SORT1: variants seen among roughly 807,000 people sequenced by gnomAD.
SORT1 encodes the protein sortilin 1.
In SORT1, 39 loss-of-function variants were observed where a neutral mutation model predicts 101.7. That is an observed-to-expected ratio of 0.38 (90% CI 0.30 to 0.50). SORT1 has a LOEUF of 0.50. SORT1 is among the 20% of genes least tolerant of loss of function. The pLI is 0.90. For synonymous variants in SORT1, 396 were observed against 393.7 expected (o/e 1.01, Z -0.07); for missense variants, 878 against 1,040.4 (o/e 0.84, Z 2.15).
At chr1:109,341,925 G>T in intron 9 of SORT1, 89 bp downstream of exon 9, 1 of 1,257,540 alleles carries the variant, frequency 8.0e-7, no homozygotes, top group Non-Finnish European at 1.2e-6. Context: ...ATTTCTAGGG[G>T]TAAGAGGAAA....
At chr1:109,315,744 T>C (rs1658991297) in intron 17 of SORT1, among the ~76,000 whole-genome samples, 1 of 144,822 alleles carries the variant, frequency 6.9e-6, no homozygotes, top group Non-Finnish European at 1.5e-5. Context: ...TGCAGCCTCA[T>C]AACCTTTTTT....
At chr1:109,324,704 C>T (rs1399678598) in intron 14 of SORT1, among the ~76,000 whole-genome samples, 195 bp downstream of exon 14, 2 of 152,150 alleles carry the variant, frequency 1.3e-5, no homozygotes, top group East Asian at 3.8e-4. Flanking sequence ...TTCTCCTGGA[C>T]AGTGCTAGCA....
intron 2 of SORT1, 81 bp downstream of exon 2, chr1:109,369,449 G>A: frequency 1.2e-6 from 1 of 857,440 alleles, no homozygotes; most frequent in African/African-American, 1.7e-5. Context: ...AGGAAGAAAT[G>A]ATATTAGGTG....
intron 15 of SORT1, among the ~76,000 whole-genome samples, chr1:109,318,479 T>G (rs1647396501): frequency 1.3e-5 from 2 of 151,968 alleles, no homozygotes; most frequent in African/African-American, 4.8e-5. Context: ...AAAAGAAGCT[T>G]ATGGGTCAGG....
rs1658667106 is a variant in SORT1 at position 109,310,601 on chromosome 1, C to A, written c.*3442G>T. 1 of 153,562 alleles carries A rather than the reference C, an allele frequency of 6.5e-6. No individual in the cohort carries two copies. The highest frequency in any genetic ancestry group is 2.4e-5 in the African/African-American group (1 of 41,466). The allele number at this position is 153,562 out of a possible 1,614,324, so 9.5% of individuals were successfully genotyped here. On this transcript the variant is annotated 3_prime_UTR_variant, in exon 20 of 20. Coordinates refer to ENST00000256637, the MANE Select transcript of SORT1 (RefSeq NM_002959.7). ...AGCCGAATCCCTTCCTATTTTAGCACTTCCAAGTATCCTGGATGAATATAG... is the reference window on the plus strand; with the variant it reads ...AGCCGAATCCCTTCCTATTTTAGCAATTCCAAGTATCCTGGATGAATATAG...
chr1:109,382,362 C>G (rs1652298271), intron 1 of SORT1, among the ~76,000 whole-genome samples: 1 of 152,166 alleles, frequency 6.6e-6, no homozygotes, highest in Admixed American at 6.5e-5. Flanking sequence ...TTTCAAACTC[C>G]TGACCTCAAG....
chr1:109,323,044 A>G lies in SORT1; in HGVS notation c.1912T>C (p.Tyr638His), dbSNP rs770783731. 2.5e-6 allele frequency: 4 copies of G among 1,614,208 alleles called. No homozygotes were observed. The highest frequency in any genetic ancestry group is 3.4e-6 in the Non-Finnish European group (4 of 1,180,014). ...EDYEDGCILG[Y>H]KEQFLRLRKS... ...CGTAGCCGCAGAAACTGTTCTTTGT[A>G]GCCCAAAATGCAGCCATCTTCATAA... Residue 638 changes from tyrosine (Y) to histidine (H), a missense_variant, in exon 15 of 20, where the codon TAC becomes CAC. Tyr to His is a moderately conservative substitution (Grantham distance 83). Around this residue, in one of 2 missense-constraint regions of SORT1, gnomAD observed 684 missense variants for 894.5 expected, o/e 0.76. Coordinates refer to ENST00000256637, the MANE Select transcript of SORT1 (RefSeq NM_002959.7).
intron 6 of SORT1, among the ~76,000 whole-genome samples, chr1:109,350,640 A>G (rs550725911): frequency 1.1e-4 from 16 of 152,344 alleles, no homozygotes; most frequent in Admixed American, 3.9e-4. Context: ...ATTTTAATTG[A>G]TGTCACCATT....
intron 1 of SORT1, among the ~76,000 whole-genome samples, chr1:109,377,396 T>C (rs2101639996): frequency 6.6e-6 from 1 of 152,362 alleles, no homozygotes; most frequent in South Asian, 2.1e-4. Context: ...TCATGATAGC[T>C]GTTTGTCCTG....
At chr1:109,333,505 G>T (rs1648595841) in intron 11 of SORT1, among the ~76,000 whole-genome samples, 1 of 152,054 alleles carries the variant, frequency 6.6e-6, no homozygotes, top group Non-Finnish European at 1.5e-5. Context: ...GAAAATACTT[G>T]CAAACCATAC....
chr1:109,316,126 T>C (rs1647207520), intron 17 of SORT1, among the ~76,000 whole-genome samples: 1 of 152,056 alleles, frequency 6.6e-6, no homozygotes, highest in South Asian at 2.1e-4. Flanking sequence ...ACTTTGAACA[T>C]ACTTAACATG....
chr1:109,389,718 T>C (rs1485856169), intron 1 of SORT1: 1 of 152,240 alleles, frequency 6.6e-6, no homozygotes, highest in African/African-American at 2.4e-5. Context: ...GTCCAGAAGT[T>C]TAGGAGTGCT....
Position 109,311,453 on chromosome 1 carries a change from C to A in SORT1, c.*2590G>T, listed in dbSNP as rs1475048134. The A allele has an allele frequency of 6.6e-6, 1 of 152,244 alleles. No homozygotes were observed. The highest frequency in any genetic ancestry group is 2.4e-5 in the African/African-American group (1 of 41,464). 9.4% of individuals were successfully genotyped at this position (152,244 alleles called of 1,614,324 possible). A position where few individuals can be genotyped will look rare whatever the true frequency, so the allele number is the denominator to read the frequency against. ...CTTTCTTACTCTCTGGCTGAGGGCA[C>A]ACATTTGTGAGTGAGCAGGTTGATA... On this transcript the variant is annotated 3_prime_UTR_variant, in exon 20 of 20. Transcript: ENST00000256637.
chr1:109,389,495 T>C (rs552225038), intron 1 of SORT1, among the ~76,000 whole-genome samples: 1 of 152,350 alleles, frequency 6.6e-6, no homozygotes, highest in South Asian at 2.1e-4. Context: ...CTCCCAGCTC[T>C]TGGCCAGTAA....
chr1:109,365,009 C>T (rs1650983377), intron 3 of SORT1, among the ~76,000 whole-genome samples: 1 of 152,150 alleles, frequency 6.6e-6, no homozygotes, highest in African/African-American at 2.4e-5. Flanking sequence ...CAAAGCTTGG[C>T]AACATTTTGC....
intron 3 of SORT1, among the ~76,000 whole-genome samples, chr1:109,356,409 A>G (rs1650328503): frequency 6.6e-6 from 1 of 151,996 alleles, no homozygotes; most frequent in African/African-American, 2.4e-5. Context: ...AGAGAAGGTA[A>G]TTTCAGAATA....
intron 11 of SORT1, 61 bp from the exon 12 acceptor site, chr1:109,327,662 AT>A: frequency 8.8e-7 from 1 of 1,133,022 alleles, no homozygotes; most frequent in Non-Finnish European, 1.3e-6. Context: ...TTCTTTAATC[AT>A]TTCACAAAAC....
At chr1:109,375,481 C>A (rs1295913445) in intron 1 of SORT1, among the ~76,000 whole-genome samples, 1 of 138,966 alleles carries the variant, frequency 7.2e-6, no homozygotes, top group Non-Finnish European at 1.5e-5. Context: ...GGGGCGGTGC[C>A]TGCAGTGAGC....
chr1:109,393,406 G>T, intron 1 of SORT1: 1 of 671,068 alleles, frequency 1.5e-6, no homozygotes, highest in South Asian at 6.7e-5. Context: ...GGAATGAGAA[G>T]TAAGGAAATT....
Sources: allele counts gnomAD v4.1 joint callset (sites outside exome capture counted in the v4.1 genomes callset), GRCh38; gene constraint gnomAD v4.1.1; regional missense constraint gnomAD v4.1.1; transcripts MANE v1.5; gene names NCBI Gene and HGNC (gene_info 2026-07-23, HGNC 2026-07-21).